Variants in CFAP299 observed in about 807,000 individuals in gnomAD.
CFAP299 encodes cilia- and flagella-associated protein 299.
In CFAP299, 21 loss-of-function variants were observed where a neutral mutation model predicts 27.0. The ratio of observed to expected loss-of-function variants is 0.78; its 90% confidence interval spans 0.55 to 1.12. CFAP299 has a LOEUF of 1.12. Ranked by LOEUF, CFAP299 falls within the 50% of genes most tolerant of loss-of-function variation. The pLI is 0.00. For missense variants in CFAP299, 310 were observed against 276.6 expected (o/e 1.12, Z -0.86); for synonymous variants, 104 against 98.1 (o/e 1.06, Z -0.36).
chr4:80,494,175 A>G (rs545622809), intron 2 of CFAP299, among the ~76,000 whole-genome samples: 31 of 152,122 alleles, frequency 2.0e-4, no homozygotes, highest in Non-Finnish European at 3.4e-4. Context: ...GTTCCTGTCC[A>G]AAAGAGACCC....
At chr4:80,578,632 G>T (rs184320504) in intron 2 of CFAP299, among the ~76,000 whole-genome samples, 7 of 152,198 alleles carry the variant, frequency 4.6e-5, no homozygotes, top group African/African-American at 1.7e-4. Flanking sequence ...GATGTTTGCT[G>T]GTTAATGATA....
chr4:80,438,303 GCCT>G (rs1728191165), intron 2 of CFAP299, among the ~76,000 whole-genome samples: 4 of 152,168 alleles, frequency 2.6e-5, no homozygotes, highest in Admixed American at 1.3e-4. Context: ...TCTAGGAAAA[GCCT>G]TCAGTAAATG....
intron 2 of CFAP299, among the ~76,000 whole-genome samples, chr4:80,555,029 A>G (rs1161395149): frequency 6.6e-6 from 1 of 152,052 alleles, no homozygotes; most frequent in Non-Finnish European, 1.5e-5. Context: ...GGGATTTCCA[A>G]TAATATGTAG....
At chr4:80,620,387 G>A (rs1251600930) in intron 3 of CFAP299, among the ~76,000 whole-genome samples, 1 of 152,132 alleles carries the variant, frequency 6.6e-6, no homozygotes, top group Non-Finnish European at 1.5e-5. Flanking sequence ...TGCTGACAAG[G>A]GAATGACCAT....
At chr4:80,957,754 C>CTG (rs1165207156) in intron 5 of CFAP299, among the ~76,000 whole-genome samples, 1 of 152,118 alleles carries the variant, frequency 6.6e-6, no homozygotes, top group African/African-American at 2.4e-5. Context: ...AAGATACCCA[C>CTG]TGTTTGATTT....
At chr4:80,596,480 G>T (rs1429521685) in intron 3 of CFAP299, among the ~76,000 whole-genome samples, 2 of 151,758 alleles carry the variant, frequency 1.3e-5, no homozygotes, top group African/African-American at 4.8e-5. Context: ...AAATATTTAG[G>T]GCTTTTTAAG....
rs112977462 is a variant in CFAP299 at position 80,766,304 on chromosome 4, T to G, written c.334-103689T>G. On this transcript the variant is annotated intron_variant, in intron 3 of 5. Coordinates refer to ENST00000358105, the MANE Select transcript of CFAP299 (RefSeq NM_152770.3). ...TTCATAGAGACAATACATTTTACAA[T>G]AGAATACTGGAGTAAGCTAAACTGT... Among the ~76,000 whole-genome samples, 155 of 152,278 alleles carry G rather than the reference T, an allele frequency of 1.0e-3. 1 individual carries two copies. The highest frequency in any genetic ancestry group is 2.0e-3 in the Non-Finnish European group (135 of 67,980).
intron 2 of CFAP299, among the ~76,000 whole-genome samples, chr4:80,382,908 T>C (rs1356825505): frequency 6.6e-6 from 1 of 152,148 alleles, no homozygotes; most frequent in African/African-American, 2.4e-5. Flanking sequence ...CTGTTCACAA[T>C]TGCAGAAATA....
At position 80,741,092 on chromosome 4, in the gene CFAP299, T is replaced by C. The variant is rs143897468; in HGVS notation, c.334-128901T>C. ...ACAAAATCCCCTTTACTTTTCCCTC[T>C]GCTTTTTTCAAACAGAAGGAGTCTC... On this transcript the variant is annotated intron_variant, in intron 3 of 5. Transcript: ENST00000358105. Among the ~76,000 whole-genome samples, 769 of 152,318 alleles carry C rather than the reference T, an allele frequency of 5.0e-3. 4 individuals are homozygous for C. The highest frequency in any genetic ancestry group is 0.02 in the Middle Eastern group (6 of 294).
In CFAP299 at chr4:80,872,788, C is replaced by T. The variant is rs534846891; in HGVS notation, c.476+2653C>T. On this transcript the variant is annotated intron_variant, in intron 4 of 5. Transcript: ENST00000358105. ...CTGTGAAGTACCTATTAAGATTTTTCCCTGTTATTTCAAGTGAGCTATTCT... is the reference window on the plus strand; with the variant it reads ...CTGTGAAGTACCTATTAAGATTTTTTCCTGTTATTTCAAGTGAGCTATTCT... 14 of 560,436 alleles carry T rather than the reference C, an allele frequency of 2.5e-5. No homozygotes were observed. The East Asian group carries it at 7.4e-4, about 29-fold the overall frequency. 34.7% of individuals were successfully genotyped at this position (560,436 alleles called of 1,614,324 possible). A position where few individuals can be genotyped will look rare whatever the true frequency, so the allele number is the denominator to read the frequency against.
At chr4:80,413,156 A>AACTGGAGTGGGTTTAACAG (rs1726814331) in intron 2 of CFAP299, among the ~76,000 whole-genome samples, 2 of 152,196 alleles carry the variant, frequency 1.3e-5, no homozygotes, top group Non-Finnish European at 2.9e-5. Flanking sequence ...GTGAAAGCTT[A>AACTGGAGTGGGTTTAACAG]ACTGGAGTGG....
At chr4:80,602,983 A>T (rs1279108140) in intron 3 of CFAP299, among the ~76,000 whole-genome samples, 2 of 152,134 alleles carry the variant, frequency 1.3e-5, no homozygotes, top group Non-Finnish European at 2.9e-5. Context: ...CTGTATTTGC[A>T]CTATGAGGTG....
In CFAP299 at chr4:80,870,999, C is replaced by T. The variant is rs1159156294; in HGVS notation, c.476+864C>T. The T allele has an allele frequency of 1.3e-5, 8 of 595,230 alleles. No individual in the cohort carries two copies. The South Asian group carries it at 2.2e-4, about 16-fold the overall frequency. The allele number at this position is 595,230 out of a possible 1,614,324, so 36.9% of individuals were successfully genotyped here. On this transcript the variant is annotated intron_variant, in intron 4 of 5. Coordinates refer to ENST00000358105, the MANE Select transcript of CFAP299 (RefSeq NM_152770.3). ...TTGGATCACTGCTACTTCCACCTCA[C>T]GGGTTCAAGCAATTCTCTTGTCTCA...
intron 3 of CFAP299, among the ~76,000 whole-genome samples, chr4:80,650,404 CTTTA>C (rs1359698984): frequency 6.6e-6 from 1 of 151,958 alleles, no homozygotes; most frequent in African/African-American, 2.4e-5. Context: ...TTCTTCAGTT[CTTTA>C]TTTAGCATAT....
At chr4:80,664,080 G>A (rs1464092254) in intron 3 of CFAP299, among the ~76,000 whole-genome samples, 1 of 152,244 alleles carries the variant, frequency 6.6e-6, no homozygotes, top group East Asian at 1.9e-4. Context: ...CCCATCTGTA[G>A]GTTGCCTGTT....
chr4:80,474,604 A>G (rs1311146900), intron 2 of CFAP299, among the ~76,000 whole-genome samples: 1 of 152,224 alleles, frequency 6.6e-6, no homozygotes, highest in Non-Finnish European at 1.5e-5. Flanking sequence ...AATGTGGAAG[A>G]TGGGTAAGGT....
chr4:80,403,338 C>G (rs1726255948), intron 2 of CFAP299, among the ~76,000 whole-genome samples: 2 of 152,188 alleles, frequency 1.3e-5, no homozygotes, highest in Non-Finnish European at 2.9e-5. Flanking sequence ...AAATAATCTT[C>G]AAGCAAAGAA....
At chr4:80,941,728 C>T (rs1157802656) in intron 4 of CFAP299, among the ~76,000 whole-genome samples, 1 of 152,102 alleles carries the variant, frequency 6.6e-6, no homozygotes, top group East Asian at 1.9e-4. Flanking sequence ...GTACAGGAAG[C>T]ATGGCAGCAC....
chr4:80,913,938 T>C (rs1371422813), intron 4 of CFAP299, among the ~76,000 whole-genome samples: 1 of 152,224 alleles, frequency 6.6e-6, no homozygotes, highest in African/African-American at 2.4e-5. Flanking sequence ...TAACTGGAAC[T>C]GAACAGTCTG....
Sources: gnomAD v4.1 joint callset for allele counts (sites outside exome capture counted in the v4.1 genomes callset) on GRCh38, gnomAD v4.1.1 for gene constraint, MANE v1.5 for transcripts, NCBI Gene and HGNC (gene_info 2026-07-23, HGNC 2026-07-21) for gene names.